PRKG1: variants seen among roughly 807,000 people sequenced by gnomAD.
The protein encoded by PRKG1 is protein kinase cGMP-dependent 1, also known as cGMP-dependent protein kinase 1.
PRKG1 carries 35 observed loss-of-function variants against 88.1 expected under a neutral mutation model. The observed-to-expected ratio is 0.40, with a 90% confidence interval of 0.30 to 0.53. PRKG1 has a LOEUF of 0.53. PRKG1 is among the 20% of genes least tolerant of loss of function. The probability of loss-of-function intolerance (pLI) is 0.59; values close to 1 mark genes in which losing one functional copy is unlikely to be tolerated. For synonymous variants in PRKG1, 303 were observed against 292.5 expected (o/e 1.04, Z -0.37); for missense variants, 540 against 839.8 (o/e 0.64, Z 4.41).
rs886622922 is a variant in PRKG1, at chr10:51,648,718, C to T, written c.593-155867C>T. 1.6e-4 allele frequency among the ~76,000 whole-genome samples: 25 copies of T among 152,150 alleles called. 1 individual carries two copies. Among genetic ancestry groups the T allele is most frequent in the Middle Eastern group, 6.8e-3 (2 of 294 alleles). ...TACCAATAAGGGTTTTGTTCAGTGA[C>T]GTTTAATATTCAATTACGGAAACAT... On this transcript the variant is annotated intron_variant, in intron 3 of 17. Transcript: ENST00000373980.
In PRKG1 at chr10:51,417,453, T is replaced by C. The variant is rs374545537; in HGVS notation, c.479-50270T>C. On this transcript the variant is annotated intron_variant, in intron 2 of 17. Coordinates refer to ENST00000373980, the MANE Select transcript of PRKG1 (RefSeq NM_006258.4). The stretch of plus-strand genomic sequence containing the variant: ...TATGCGCAAGGGACACACAGCTTGT[T>C]GGAGGCTCTGTATGATATACTGTGG... Among the ~76,000 whole-genome samples, 11 of 152,336 alleles carry C rather than the reference T, an allele frequency of 7.2e-5. No homozygotes were observed. In the East Asian group the frequency reaches 1.5e-3, roughly 21 times the overall value.
At chr10:52,161,739 T>A in intron 8 of PRKG1, 150 bp from the exon 9 acceptor site, 1 of 675,182 alleles carries the variant, frequency 1.5e-6, no homozygotes, top group Non-Finnish European at 2.5e-6. Flanking sequence ...AGGAAAAATG[T>A]CTGACATGCT....
intron 10 of PRKG1, among the ~76,000 whole-genome samples, chr10:52,257,335 A>G (rs1251893822): frequency 7.2e-6 from 1 of 139,800 alleles, no homozygotes; most frequent in African/African-American, 2.5e-5. Context: ...ACCAATTGAA[A>G]AAAAAATAGA....
At chr10:52,070,162 T>C (rs991538329) in intron 7 of PRKG1, among the ~76,000 whole-genome samples, 10 of 152,230 alleles carry the variant, frequency 6.6e-5, no homozygotes, top group Non-Finnish European at 1.2e-4. Context: ...ATTTAACATT[T>C]ATCAACTCGT....
intron 2 of PRKG1, among the ~76,000 whole-genome samples, chr10:51,252,695 A>G (rs1333234847): frequency 1.3e-5 from 2 of 151,806 alleles, no homozygotes; most frequent in African/African-American, 4.8e-5. Context: ...GACAGACCAG[A>G]GTTTAAATCT....
chr10:51,627,976 CTT>C (rs1564579711), intron 3 of PRKG1, among the ~76,000 whole-genome samples: 6 of 22,104 alleles, frequency 2.7e-4, no homozygotes, highest in African/African-American at 7.2e-4. Flanking sequence ...CTTTCTCTTT[CTT>C]TCTTTCTTTC....
intron 2 of PRKG1, among the ~76,000 whole-genome samples, chr10:51,302,244 G>A (rs191479524): frequency 4.0e-4 from 61 of 152,282 alleles, no homozygotes; most frequent in South Asian, 2.1e-4. Context: ...TTCCAGAGAC[G>A]TTTAAAAACT....
intron 2 of PRKG1, among the ~76,000 whole-genome samples, chr10:51,440,663 G>T (rs1433597443): frequency 6.6e-6 from 1 of 151,928 alleles, no homozygotes. Context: ...TATAAATTCT[G>T]TCATGGTAAC....
chr10:52,251,305 A>G (rs1341267272), intron 9 of PRKG1, among the ~76,000 whole-genome samples: 1 of 152,194 alleles, frequency 6.6e-6, no homozygotes, highest in African/African-American at 2.4e-5. Context: ...TTGATTTGAT[A>G]ACTGGATTTA....
At chr10:51,272,911 C>T (rs181553236) in intron 2 of PRKG1, among the ~76,000 whole-genome samples, 1 of 152,258 alleles carries the variant, frequency 6.6e-6, no homozygotes, top group African/African-American at 2.4e-5. Flanking sequence ...ATAATACTGT[C>T]ATGGCTTGTA....
At chr10:51,597,200 C>A (rs946990135) in intron 3 of PRKG1, among the ~76,000 whole-genome samples, 1 of 151,578 alleles carries the variant, frequency 6.6e-6, no homozygotes, top group Non-Finnish European at 1.5e-5. Context: ...GTAATTTCAT[C>A]GGTAATAAAA....
At chr10:52,071,649 G>T (rs994379586) in intron 7 of PRKG1, among the ~76,000 whole-genome samples, 3 of 130,682 alleles carry the variant, frequency 2.3e-5, no homozygotes, top group Non-Finnish European at 4.7e-5. Context: ...TATAGCTGAG[G>T]TGTGCTTGTC....
chr10:51,940,960 CTAGA>C (rs1006757739), intron 5 of PRKG1, among the ~76,000 whole-genome samples: 5 of 151,892 alleles, frequency 3.3e-5, no homozygotes, highest in Admixed American at 6.6e-5. Context: ...ACAATCAAAG[CTAGA>C]TAGAGAAAAG....
chr10:51,617,577 C>G (rs1315083847), intron 3 of PRKG1, among the ~76,000 whole-genome samples: 1 of 152,172 alleles, frequency 6.6e-6, no homozygotes, highest in Admixed American at 6.5e-5. Context: ...TACACAAATA[C>G]ATTGTTTTAC....
chr10:51,885,880 CTA>C (rs1306450820), intron 4 of PRKG1, among the ~76,000 whole-genome samples: 1 of 152,112 alleles, frequency 6.6e-6, no homozygotes, highest in East Asian at 1.9e-4. Flanking sequence ...TATAAATTAT[CTA>C]TTACTTATGC....
At chr10:52,096,288 A>G (rs952231634) in intron 7 of PRKG1, among the ~76,000 whole-genome samples, 10 of 152,222 alleles carry the variant, frequency 6.6e-5, no homozygotes, top group African/African-American at 2.2e-4. Context: ...GCACTTTTAT[A>G]TAAGCACATC....
intron 2 of PRKG1, among the ~76,000 whole-genome samples, chr10:51,219,933 G>T (rs533202623): frequency 4.6e-5 from 7 of 151,962 alleles, no homozygotes; most frequent in East Asian, 1.9e-4. Context: ...ATGTGATCTC[G>T]CTCCCCTGAT....
intron 12 of PRKG1, among the ~76,000 whole-genome samples, chr10:52,274,041 TAGA>T (rs1435683525): frequency 6.6e-6 from 1 of 152,084 alleles, no homozygotes; most frequent in African/African-American, 2.4e-5. Flanking sequence ...CTAATTAGAA[TAGA>T]AGAAGATTTA....
chr10:51,970,450 G>A lies in PRKG1; in HGVS notation c.762+62880G>A, dbSNP rs148028673. On this transcript the variant is annotated intron_variant, in intron 5 of 17. Coordinates refer to ENST00000373980, the MANE Select transcript of PRKG1 (RefSeq NM_006258.4). ...ATAGAGCCCCTATTTTTATAAAATA[G>A]GTTGATGCAATCACTTTTAAAACCT... Among the ~76,000 whole-genome samples the A allele has an allele frequency of 4.5e-4, 68 of 150,978 alleles. 1 individual carries two copies. The East Asian group carries it at 0.012, about 27-fold the overall frequency.
Sources: allele counts gnomAD v4.1 joint callset (sites outside exome capture counted in the v4.1 genomes callset), GRCh38; gene constraint gnomAD v4.1.1; transcripts MANE v1.5; gene names NCBI Gene and HGNC (gene_info 2026-07-23, HGNC 2026-07-21).